Variants in ZNF248 observed in about 807,000 individuals in gnomAD.
The protein encoded by ZNF248 is KRAB protein domain.
In ZNF248, 20 loss-of-function variants were observed where a neutral mutation model predicts 44.3. That is an observed-to-expected ratio of 0.45 (90% CI 0.32 to 0.66). ZNF248 has a LOEUF of 0.66. ZNF248 is among the 30% of genes least tolerant of loss of function. ZNF248 has a pLI of 0.04. For missense variants in ZNF248, 654 were observed against 677.0 expected (o/e 0.97, Z 0.38); for synonymous variants, 224 against 229.0 (o/e 0.98, Z 0.20).
At chr10:37,763,524 C>T in the ZNF248 span, among the ~76,000 whole-genome samples, 2 of 152,102 alleles carry the variant, frequency 1.3e-5, no homozygotes, top group African/African-American at 4.8e-5. Context: ...ACCTGTAATA[C>T]TTAAAATGTA....
chr10:37,806,668 CA>C (rs2050610828), intron 6 of ZNF248, among the ~76,000 whole-genome samples: 1 of 151,970 alleles, frequency 6.6e-6, no homozygotes. Flanking sequence ...GTTTTGCAAA[CA>C]TTTTTTCCCA....
intron 1 of ZNF248, chr10:37,856,733 G>C: frequency 5.1e-6 from 5 of 988,166 alleles, no homozygotes; most frequent in Non-Finnish European, 6.0e-6. Flanking sequence ...AAAAGGGATA[G>C]GATGTTAAAT....
rs1473822237 is a variant in ZNF248 at position 37,845,041 on chromosome 10, G to T, written c.16-6930C>A. ...TCTTTCTTGTTTTTTTGGAGATGGG[G>T]GTCTCACTCTGTGGTTCAGGCTGGA... On this transcript the variant is annotated intron_variant, in intron 3 of 5. Transcript: ENST00000395867. 1.2e-4 allele frequency among the ~76,000 whole-genome samples: 6 copies of T among 50,228 alleles called. No homozygotes were observed. In the Admixed American group the frequency reaches 1.5e-3, roughly 12 times the overall value. The allele number at this position is 50,228 out of a possible 152,430, so 33.0% of individuals were successfully genotyped here.
intron 3 of ZNF248, among the ~76,000 whole-genome samples, chr10:37,841,548 A>C (rs1487748300): frequency 6.6e-6 from 1 of 152,226 alleles, no homozygotes; most frequent in Non-Finnish European, 1.5e-5. Context: ...AAGTAAACAC[A>C]AAAGAACAGA....
At chr10:37,770,898 C>G in the ZNF248 span, among the ~76,000 whole-genome samples, 1 of 152,140 alleles carries the variant, frequency 6.6e-6, no homozygotes, top group Non-Finnish European at 1.5e-5. Context: ...TATCCGGAAT[C>G]TACAATGAAC....
chr10:37,829,416 C>G lies in ZNF248; in HGVS notation c.*2199G>C. The G allele has an allele frequency of 1.0e-6, 1 of 985,384 alleles. No individual in the cohort carries two copies. Among genetic ancestry groups the G allele is most frequent in the Non-Finnish European group, 1.2e-6 (1 of 829,914 alleles). The allele number at this position is 985,384 out of a possible 1,614,324, so 61.0% of individuals were successfully genotyped here. ...CCACCAGAAAGAACCATGGCTGATA[C>G]AAACAGCCATCCCTATATTAACTTG... On this transcript the variant is annotated 3_prime_UTR_variant, in exon 6 of 6. Transcript: ENST00000395867.
chr10:37,788,496 CT>C (rs767506560), intron 6 of ZNF248, among the ~76,000 whole-genome samples: 69 of 152,116 alleles, frequency 4.5e-4, no homozygotes, highest in South Asian at 2.9e-3. Context: ...TGGCATGTGC[CT>C]GTAATCCTAG....
intron 6 of ZNF248, chr10:37,791,508 A>G (rs1406641376): frequency 1.3e-5 from 2 of 152,102 alleles, no homozygotes; most frequent in Non-Finnish European, 2.9e-5. Context: ...TGTTTTTCAT[A>G]TACCAATTGA....
chr10:37,773,328 A>C (rs1174216277), downstream of ZNF248, among the ~76,000 whole-genome samples: 1 of 152,204 alleles, frequency 6.6e-6, no homozygotes, highest in African/African-American at 2.4e-5. Flanking sequence ...TAGTATCCTC[A>C]ATTATACTCA....
chr10:37,810,751 CAAAT>C (rs1242604797), intron 6 of ZNF248, among the ~76,000 whole-genome samples: 12 of 152,020 alleles, frequency 7.9e-5, no homozygotes, highest in African/African-American at 2.7e-4. Context: ...AAAACATACA[CAAAT>C]AAAGACTGTA....
Position 37,837,681 on chromosome 10 carries a change from A to G in ZNF248, c.174T>C (p.Phe58=). 6.2e-7 allele frequency: 1 copy of G among 1,614,130 alleles called. No homozygotes were observed. Among genetic ancestry groups the G allele is most frequent in the East Asian group, 2.2e-5 (1 of 44,872 alleles). ...GYCITKPEVI[F]KIEQGEEPWI... ...AGGGCTCTTCTCCTTGCTCGATCTT[A>G]AAGATCACTTCTGGTTTAGTAATGC... is the stretch of plus-strand genomic sequence containing the variant. Residue 58 remains phenylalanine (F), a synonymous_variant, in exon 5 of 6, where the codon TTT becomes TTC. Transcript: ENST00000395867.
chr10:37,840,228 C>A (rs1319882465), intron 3 of ZNF248, among the ~76,000 whole-genome samples: 3 of 151,958 alleles, frequency 2.0e-5, no homozygotes, highest in Non-Finnish European at 4.4e-5. Flanking sequence ...GATGCTTCTA[C>A]AAAAATGAAA....
At chr10:37,814,565 G>A (rs950140160) in intron 6 of ZNF248, among the ~76,000 whole-genome samples, 4 of 152,114 alleles carry the variant, frequency 2.6e-5, no homozygotes, top group African/African-American at 9.7e-5. Flanking sequence ...TGCAGGGCAG[G>A]TCTACTGCTA....
At chr10:37,837,361 C>T (rs1453202756) in intron 5 of ZNF248, among the ~76,000 whole-genome samples, 1 of 152,146 alleles carries the variant, frequency 6.6e-6, no homozygotes, top group Admixed American at 6.5e-5. Context: ...CATCCGCCTG[C>T]CTCAGCCTCC....
chr10:37,813,299 A>T (rs190680655), intron 6 of ZNF248, among the ~76,000 whole-genome samples: 248 of 152,344 alleles, frequency 1.6e-3, no homozygotes, highest in African/African-American at 5.7e-3. Context: ...CCCTTTTATA[A>T]TACAGGTGCT....
chr10:37,758,634 T>C, the ZNF248 span, among the ~76,000 whole-genome samples: 6 of 152,250 alleles, frequency 3.9e-5, no homozygotes, highest in Non-Finnish European at 7.3e-5. Context: ...TTCTCCCCTA[T>C]ATCTTTAAAC....
intron 6 of ZNF248, among the ~76,000 whole-genome samples, chr10:37,777,112 T>C (rs1356368752): frequency 6.6e-6 from 1 of 152,134 alleles, no homozygotes; most frequent in East Asian, 1.9e-4. Flanking sequence ...ATGGGCTTAC[T>C]CTGATTGAGA....
chr10:37,806,864 C>G (rs2050640414), intron 6 of ZNF248, among the ~76,000 whole-genome samples: 1 of 152,116 alleles, frequency 6.6e-6, no homozygotes, highest in South Asian at 2.1e-4. Context: ...CCTCTAGGAG[C>G]TTTACAATCT....
chr10:37,791,951 A>C (rs2048598172), intron 6 of ZNF248: 1 of 152,218 alleles, frequency 6.6e-6, no homozygotes, highest in South Asian at 2.1e-4. Context: ...TGATACCAAG[A>C]ATAAAAGGGC....
Sources: allele counts gnomAD v4.1 joint callset (sites outside exome capture counted in the v4.1 genomes callset), GRCh38; gene constraint gnomAD v4.1.1; transcripts MANE v1.5; gene names NCBI Gene and HGNC (gene_info 2026-07-23, HGNC 2026-07-21).